Variants in CDH4 observed in about 807,000 individuals in gnomAD.
The protein encoded by CDH4 is cadherin 4.
Under a neutral mutation model 86.0 loss-of-function variants are expected in CDH4, and 33 were observed. That is an observed-to-expected ratio of 0.38 (90% CI 0.29 to 0.51). The LOEUF (loss-of-function observed/expected upper bound fraction) is 0.51, where lower values mean the gene tolerates loss of function less well. CDH4 is among the 20% of genes least tolerant of loss of function. The pLI is 0.86. For synonymous variants in CDH4, 555 were observed against 549.4 expected, an observed-to-expected ratio of 1.01 and a Z score of -0.14; for missense variants, 1,114 against 1,307.4, an observed-to-expected ratio of 0.85 and a Z score of 2.28.
At chr20:61,696,756 T>G (rs923246567) in intron 2 of CDH4, among the ~76,000 whole-genome samples, 3 of 151,996 alleles carry the variant, frequency 2.0e-5, no homozygotes, top group African/African-American at 7.3e-5. Context: ...AAAACATACA[T>G]CCATGTCCTC....
chr20:61,749,033 C>T (rs375692068), intron 3 of CDH4, among the ~76,000 whole-genome samples: 1 of 121,228 alleles, frequency 8.2e-6, no homozygotes, highest in African/African-American at 3.4e-5. Context: ...CAGTAAAATC[C>T]TAGAGAAATA....
intron 5 of CDH4, among the ~76,000 whole-genome samples, chr20:61,851,612 G>A (rs1272167589): frequency 6.6e-6 from 1 of 152,220 alleles, no homozygotes; most frequent in Non-Finnish European, 1.5e-5. Flanking sequence ...AGTTTTGGCA[G>A]AAAGATGTGA....
At chr20:61,537,012 A>G (rs1215733270) in intron 2 of CDH4, among the ~76,000 whole-genome samples, 1 of 152,186 alleles carries the variant, frequency 6.6e-6, no homozygotes, top group Non-Finnish European at 1.5e-5. Context: ...CCAAGTGGAC[A>G]AATGATGCTC....
chr20:61,649,644 C>T (rs1337558543), intron 2 of CDH4, among the ~76,000 whole-genome samples: 4 of 152,254 alleles, frequency 2.6e-5, no homozygotes, highest in East Asian at 3.9e-4. Context: ...CGGGAGCGCG[C>T]GTGGCTGAAC....
chr20:61,718,212 A>G (rs4401276), intron 2 of CDH4: 112,594 of 157,716 alleles, frequency 0.71, 40,665 homozygotes, highest in East Asian at 1. Flanking sequence ...GGTGAAGGGT[A>G]TATGCTGTCC....
At chr20:61,613,225 A>G (rs932798482) in intron 2 of CDH4, among the ~76,000 whole-genome samples, 14 of 152,172 alleles carry the variant, frequency 9.2e-5, no homozygotes, top group Non-Finnish European at 1.8e-4. Context: ...TCTTTACCCA[A>G]GTGCTTCAGA....
chr20:61,313,373 G>A (rs1600857884), intron 2 of CDH4, among the ~76,000 whole-genome samples: 2 of 152,148 alleles, frequency 1.3e-5, no homozygotes, highest in Admixed American at 6.5e-5. Flanking sequence ...GCACTCCCCG[G>A]GAAGCCTACA....
chr20:61,815,834 C>T (rs1366048621), intron 4 of CDH4, among the ~76,000 whole-genome samples: 1 of 152,234 alleles, frequency 6.6e-6, no homozygotes, highest in Non-Finnish European at 1.5e-5. Context: ...GCAAAGCTCC[C>T]ACTTGCCCAG....
At chr20:61,519,218 T>A (rs1224744358) in intron 2 of CDH4, among the ~76,000 whole-genome samples, 1 of 152,264 alleles carries the variant, frequency 6.6e-6, no homozygotes, top group East Asian at 1.9e-4. Flanking sequence ...GGGACCTTCA[T>A]AGGATGATGT....
intron 2 of CDH4, among the ~76,000 whole-genome samples, chr20:61,485,892 C>T (rs953179718): frequency 6.6e-6 from 1 of 152,228 alleles, no homozygotes; most frequent in Non-Finnish European, 1.5e-5. Flanking sequence ...TTCCTCTGAT[C>T]CTCCCTTGGT....
intron 2 of CDH4, among the ~76,000 whole-genome samples, chr20:61,257,543 T>C (rs2084105462): frequency 6.6e-6 from 1 of 152,250 alleles, no homozygotes; most frequent in African/African-American, 2.4e-5. Flanking sequence ...CCTGCGCTTT[T>C]TCTGGAGAGC....
At chr20:61,880,061 G>A (rs751532876) in intron 7 of CDH4, among the ~76,000 whole-genome samples, 1 of 152,232 alleles carries the variant, frequency 6.6e-6, no homozygotes, top group Non-Finnish European at 1.5e-5. Context: ...TGGATGGAGA[G>A]TGATAACGTG....
At chr20:61,867,271 C>A (rs921772318) in intron 6 of CDH4, among the ~76,000 whole-genome samples, 7 of 152,202 alleles carry the variant, frequency 4.6e-5, no homozygotes, top group Admixed American at 3.9e-4. Flanking sequence ...TATGATAGGC[C>A]AGGCACGGTA....
intron 3 of CDH4, among the ~76,000 whole-genome samples, chr20:61,757,756 A>G (rs564611315): frequency 1.9e-4 from 29 of 152,330 alleles, no homozygotes; most frequent in African/African-American, 6.0e-4. Context: ...AAAGTGGGCC[A>G]TGCCGGCAGG....
At chr20:61,798,310 G>A (rs1318608124) in intron 4 of CDH4, among the ~76,000 whole-genome samples, 4 of 152,094 alleles carry the variant, frequency 2.6e-5, no homozygotes, top group African/African-American at 4.8e-5. Context: ...CGCTGTGGGC[G>A]GCCCCTCGCT....
At chr20:61,422,798 G>A (rs1256546972) in intron 2 of CDH4, among the ~76,000 whole-genome samples, 2 of 152,158 alleles carry the variant, frequency 1.3e-5, no homozygotes, top group Admixed American at 1.3e-4. Flanking sequence ...GGGCATGTGG[G>A]TGTGTCATGT....
chr20:61,267,903 G>A (rs540214494), intron 2 of CDH4, among the ~76,000 whole-genome samples: 109 of 152,338 alleles, frequency 7.2e-4, no homozygotes, highest in African/African-American at 2.6e-3. Flanking sequence ...GTTTCCAGCA[G>A]CTGTGTGTCT....
intron 2 of CDH4, among the ~76,000 whole-genome samples, chr20:61,652,938 A>ATTTATTTTTTTTTTTTTT (rs1555819716): frequency 3.2e-4 from 31 of 97,354 alleles, no homozygotes; most frequent in African/African-American, 8.1e-4. Context: ...TTATTTATTT[A>ATTTATTTTTTTTTTTTTT]TTTTTTTTTT....
chr20:61,650,893 A>G (rs2087113344), intron 2 of CDH4, among the ~76,000 whole-genome samples: 1 of 152,256 alleles, frequency 6.6e-6, no homozygotes, highest in African/African-American at 2.4e-5. Context: ...TACACAGATT[A>G]TCTATATAAT....
Sources: allele counts gnomAD v4.1 joint callset (sites outside exome capture counted in the v4.1 genomes callset), GRCh38; gene constraint gnomAD v4.1.1; transcripts MANE v1.5; gene names NCBI Gene and HGNC (gene_info 2026-07-23, HGNC 2026-07-21).